Variants in SRSF10 observed in about 807,000 individuals in gnomAD.
SRSF10 encodes serine and arginine rich splicing factor 10, also known as serine/arginine-rich splicing factor 10.
SRSF10 carries 9 observed loss-of-function variants against 32.6 expected under a neutral mutation model. That is an observed-to-expected ratio of 0.28 (90% CI 0.17 to 0.48). The LOEUF is 0.48. SRSF10 is among the 20% of genes least tolerant of loss of function. The pLI is 0.99. For synonymous variants in SRSF10, 105 were observed against 112.4 expected, an observed-to-expected ratio of 0.93 and a Z score of 0.42; for missense variants, 201 against 331.8, an observed-to-expected ratio of 0.61 and a Z score of 3.06.
In SRSF10 at chr1:23,966,768, CATT is replaced by C. The variant is rs1641472821; in HGVS notation, c.*4371_*4373del. 3.3e-5 allele frequency: 5 copies of C among 152,090 alleles called. 1 individual carries two copies. In the South Asian group the frequency reaches 6.2e-4, roughly 19 times the overall value. The allele number at this position is 152,090 out of a possible 1,614,324, so 9.4% of individuals were successfully genotyped here. A position where few individuals can be genotyped will look rare whatever the true frequency, so the allele number is the denominator to read the frequency against. On this transcript the variant is annotated 3_prime_UTR_variant, in exon 6 of 6. Transcript: ENST00000492112. ...TAAACCAGTTTATTACAGATTAAAT[CATT>C]TTTTCATTATTTATAATAATGTGAT... is the stretch of plus-strand genomic sequence containing the variant.
chr1:23,965,520 C>A lies in SRSF10; in HGVS notation c.*5622G>T, dbSNP rs997758074. ...CACATGATGGGTATTCTACAAAGGACAATTTTCTCATCTGTAAAATGGGAA... is the reference window on the plus strand; with the variant it reads ...CACATGATGGGTATTCTACAAAGGAAAATTTTCTCATCTGTAAAATGGGAA... On this transcript the variant is annotated 3_prime_UTR_variant, in exon 6 of 6. Transcript: ENST00000492112. 5.3e-5 allele frequency: 8 copies of A among 151,896 alleles called. No homozygotes were observed. The highest frequency in any genetic ancestry group is 8.8e-5 in the Non-Finnish European group (6 of 67,824). The allele number at this position is 151,896 out of a possible 1,614,324, so 9.4% of individuals were successfully genotyped here.
In SRSF10 at chr1:23,968,411, G is replaced by A. The variant is rs1416697426; in HGVS notation, c.*2731C>T. ...ACAAACAAAACCCCCCCAAAACTAA[G>A]GGACCAGGCCTGGGCTTAAATCCTG... On this transcript the variant is annotated 3_prime_UTR_variant, in exon 6 of 6. Coordinates refer to ENST00000492112, the MANE Select transcript of SRSF10 (RefSeq NM_054016.4). 6.6e-6 allele frequency among the ~76,000 whole-genome samples: 1 copy of A among 152,058 alleles called. No homozygotes were observed. Among genetic ancestry groups the A allele is most frequent in the East Asian group, 1.9e-4 (1 of 5,190 alleles).
intron 2 of SRSF10, chr1:23,976,001 A>G (rs1217862529): frequency 3.3e-5 from 5 of 152,216 alleles, no homozygotes; most frequent in Admixed American, 1.3e-4. Flanking sequence ...CTGGCTTTAT[A>G]TAGCTATTCT....
intron 2 of SRSF10, chr1:23,977,648 A>G (rs1642172267): frequency 6.5e-6 from 1 of 153,492 alleles, no homozygotes; most frequent in African/African-American, 2.4e-5. Flanking sequence ...TACTCCAAAG[A>G]GCACTGCCTG....
In SRSF10 at chr1:23,980,265, G is replaced by T; in HGVS notation, c.-10C>A. ...GCAGGTAGCGGGACATGGCGGCGGC[G>T]TGTCTCGGCCGGGCGCACTAACGGG... On this transcript the variant is annotated 5_prime_UTR_variant, in exon 1 of 6. Coordinates refer to ENST00000492112, the MANE Select transcript of SRSF10 (RefSeq NM_054016.4). 1 of 1,484,694 alleles carries T rather than the reference G, an allele frequency of 6.7e-7. No homozygotes were observed. Among genetic ancestry groups the T allele is most frequent in the South Asian group, 1.3e-5 (1 of 78,428 alleles). 92.0% of individuals were successfully genotyped at this position (1,484,694 alleles called of 1,614,324 possible).
In SRSF10 at chr1:23,965,491, C is replaced by T. The variant is rs1641408434; in HGVS notation, c.*5651G>A. On this transcript the variant is annotated 3_prime_UTR_variant, in exon 6 of 6. Transcript: ENST00000492112. The stretch of plus-strand genomic sequence containing the variant: ...AATGAATAGCATAATATGCAAGAAG[C>T]TATCACATGATGGGTATTCTACAAA... 1 of 151,964 alleles carries T rather than the reference C, an allele frequency of 6.6e-6. No individual in the cohort carries two copies. Among genetic ancestry groups the T allele is most frequent in the African/African-American group, 2.4e-5 (1 of 41,428 alleles). 9.4% of individuals were successfully genotyped at this position (151,964 alleles called of 1,614,324 possible). A position where few individuals can be genotyped will look rare whatever the true frequency, so the allele number is the denominator to read the frequency against.
chr1:23,970,886 C>T lies in SRSF10; in HGVS notation c.*256G>A, dbSNP rs1641715724. Reference sequence around the variant, plus strand: ...ACATCTTTTCACCAAATACTTCAAGCATAAAAAATGAGAATCTTTACAAAA... The same window carrying T: ...ACATCTTTTCACCAAATACTTCAAGTATAAAAAATGAGAATCTTTACAAAA... On this transcript the variant is annotated 3_prime_UTR_variant, in exon 6 of 6. Transcript: ENST00000492112. 7 of 1,192,578 alleles carry T rather than the reference C, an allele frequency of 5.9e-6. No homozygotes were observed. The highest frequency in any genetic ancestry group is 7.3e-6 in the Non-Finnish European group (7 of 963,594). 73.9% of individuals were successfully genotyped at this position (1,192,578 alleles called of 1,614,324 possible).
At chr1:23,972,882 C>T (rs1641857687) in intron 3 of SRSF10, among the ~76,000 whole-genome samples, 1 of 151,948 alleles carries the variant, frequency 6.6e-6, no homozygotes, top group East Asian at 1.9e-4. Flanking sequence ...GCTGGGATTA[C>T]AGCATGCGCC....
At chr1:23,978,476 CATAT>C (rs1227675923) in intron 2 of SRSF10, among the ~76,000 whole-genome samples, 6 of 152,150 alleles carry the variant, frequency 3.9e-5, no homozygotes, top group Non-Finnish European at 8.8e-5. Context: ...ATTTAAATCA[CATAT>C]ATAATCATCG....
chr1:23,977,691 A>G (rs1466673690), intron 2 of SRSF10: 3 of 202,216 alleles, frequency 1.5e-5, no homozygotes, highest in African/African-American at 2.4e-5. Context: ...CTGGTCCAAA[A>G]CCAAAATATG....
At chr1:23,973,943 C>T (rs1182656880) in intron 3 of SRSF10, among the ~76,000 whole-genome samples, 1 of 151,580 alleles carries the variant, frequency 6.6e-6, no homozygotes, top group African/African-American at 2.4e-5. Context: ...AACTAGAGTT[C>T]CAATAGTTTG....
chr1:23,975,417 C>A (rs1384330311), intron 2 of SRSF10: 2 of 214,186 alleles, frequency 9.3e-6, no homozygotes, highest in Non-Finnish European at 9.2e-6. Context: ...AAAGAAAAAA[C>A]AAATGTCAGT....
At chr1:23,973,388 T>G (rs1641889502) in intron 3 of SRSF10, among the ~76,000 whole-genome samples, 1 of 152,264 alleles carries the variant, frequency 6.6e-6, no homozygotes, top group South Asian at 2.1e-4. Context: ...GGAGTGCACT[T>G]GTGCAAACAC....
intron 1 of SRSF10, among the ~76,000 whole-genome samples, chr1:23,979,712 A>C (rs1298817858): frequency 6.6e-6 from 1 of 152,170 alleles, no homozygotes; most frequent in Non-Finnish European, 1.5e-5. Context: ...TAAAACCCCC[A>C]AATATTAACA....
chr1:23,976,077 T>C (rs977543457), intron 2 of SRSF10: 2 of 152,190 alleles, frequency 1.3e-5, no homozygotes, highest in African/African-American at 4.8e-5. Context: ...TTCAAGACAG[T>C]GTTTGATATA....
In SRSF10 at chr1:23,967,738, G is replaced by A; in HGVS notation, c.*3404C>T. The A allele has an allele frequency of 6.2e-7, 1 of 1,611,444 alleles. No individual in the cohort carries two copies. The highest frequency in any genetic ancestry group is 1.3e-5 in the African/African-American group (1 of 74,908). On this transcript the variant is annotated 3_prime_UTR_variant, in exon 6 of 6. Transcript: ENST00000492112. ...TGCAGTTTGGTCTTAAATAAAAGAAGGATGTTTGTCAGTTTGGTTTCCTTT... is the reference window on the plus strand; with the variant it reads ...TGCAGTTTGGTCTTAAATAAAAGAAAGATGTTTGTCAGTTTGGTTTCCTTT...
chr1:23,979,549 T>C (rs1642320893), intron 1 of SRSF10, among the ~76,000 whole-genome samples: 1 of 152,126 alleles, frequency 6.6e-6, no homozygotes. Flanking sequence ...AACTTAGCTG[T>C]CAACGTCCTA....
chr1:23,975,645 C>T (rs1435761210), intron 2 of SRSF10: 1 of 152,266 alleles, frequency 6.6e-6, no homozygotes, highest in Admixed American at 6.5e-5. Flanking sequence ...CTTCCTTCCA[C>T]TGCATGGGAA....
Position 23,967,199 on chromosome 1 carries a change from C to T in SRSF10, c.*3943G>A, listed in dbSNP as rs1215631695. The T allele has an allele frequency of 1.9e-5, 3 of 154,844 alleles. No individual in the cohort carries two copies. Among genetic ancestry groups the T allele is most frequent in the Non-Finnish European group, 1.4e-5 (1 of 69,664 alleles). 9.6% of individuals were successfully genotyped at this position (154,844 alleles called of 1,614,324 possible). A position where few individuals can be genotyped will look rare whatever the true frequency, so the allele number is the denominator to read the frequency against. The stretch of plus-strand genomic sequence containing the variant: ...ACAAGTAAATAAACACAGATGCCAA[C>T]AAAGCAAATGATTAAGCAGAAAACA... On this transcript the variant is annotated 3_prime_UTR_variant, in exon 6 of 6. Coordinates refer to ENST00000492112, the MANE Select transcript of SRSF10 (RefSeq NM_054016.4).
Sources: gnomAD v4.1 joint callset for allele counts (sites outside exome capture counted in the v4.1 genomes callset) on GRCh38, gnomAD v4.1.1 for gene constraint, MANE v1.5 for transcripts, NCBI Gene and HGNC (gene_info 2026-07-23, HGNC 2026-07-21) for gene names.